The following ZYG11B variants were observed in gnomAD, a reference collection of about 807,000 sequenced individuals.
ZYG11B encodes the protein zyg-11 family member B, cell cycle regulator.
A neutral mutation model predicts 82.4 loss-of-function variants in ZYG11B; 36 were observed. That is an observed-to-expected ratio of 0.44 (90% CI 0.33 to 0.58). The LOEUF (loss-of-function observed/expected upper bound fraction) is 0.58, where lower values mean the gene tolerates loss of function less well. Among genes scored for constraint, ZYG11B ranks in the 20% least tolerant of loss-of-function variants. The pLI is 0.02. For synonymous variants in ZYG11B, 303 were observed against 312.8 expected, an observed-to-expected ratio of 0.97 and a Z score of 0.33; for missense variants, 552 against 895.6, an observed-to-expected ratio of 0.62 and a Z score of 4.90.
intron 8 of ZYG11B, among the ~76,000 whole-genome samples, chr1:52,797,104 GTATATATT>G (rs1393271971): frequency 2.2e-5 from 1 of 45,968 alleles, no homozygotes; most frequent in Non-Finnish European, 3.1e-5. Flanking sequence ...ATTACATATT[GTATATATT>G]TATATATTAT....
chr1:52,817,813 ATATTTTTTTT>A (rs1645247480), intron 13 of ZYG11B, among the ~76,000 whole-genome samples: 3 of 34,388 alleles, frequency 8.7e-5, no homozygotes, highest in Admixed American at 6.0e-4. Flanking sequence ...ATATATATAT[ATATTTTTTTT>A]TTTTTTTTTT....
rs1251141238 is a variant in ZYG11B, at chr1:52,825,620, T to A, written c.*3991T>A. The A allele has an allele frequency of 1.3e-5, 2 of 150,578 alleles. No individual in the cohort carries two copies. The highest frequency in any genetic ancestry group is 2.9e-5 in the Non-Finnish European group (2 of 67,834). The allele number at this position is 150,578 out of a possible 1,614,324, so 9.3% of individuals were successfully genotyped here. ...ACAGGTGGGACCTTTTGTGTTAATCTGTTTTCTCCCCAGTCATCTTATTTG... is the reference window on the plus strand; with the variant it reads ...ACAGGTGGGACCTTTTGTGTTAATCAGTTTTCTCCCCAGTCATCTTATTTG... On this transcript the variant is annotated 3_prime_UTR_variant, in exon 14 of 14. Coordinates refer to ENST00000294353, the MANE Select transcript of ZYG11B (RefSeq NM_024646.3).
At position 52,771,483 on chromosome 1, in the gene ZYG11B, A is replaced by G. The variant is rs139669831; in HGVS notation, c.660A>G (p.Lys220=). The change falls in exon 3 of 14, where the codon AAA becomes AAG. Residue 220 remains lysine (K), a synonymous_variant. Coordinates refer to ENST00000294353, the MANE Select transcript of ZYG11B (RefSeq NM_024646.3). The surrounding 1 kb of genome is among the most constrained non-coding windows in gnomAD (Gnocchi z 5.4). The part of the protein sequence containing the change: ...RLKSLTMHHL[K]CLKMTTTQIL... ...AGTCTCTAACCATGCACCACTTGAAATGTTTAAAAATGACAACTACCCAGA... is the reference window on the plus strand; with the variant it reads ...AGTCTCTAACCATGCACCACTTGAAGTGTTTAAAAATGACAACTACCCAGA... 11 of 1,613,380 alleles carry G rather than the reference A, an allele frequency of 6.8e-6. No individual in the cohort carries two copies. In the African/African-American group the frequency reaches 1.3e-4, roughly 20 times the overall value.
At chr1:52,800,432 A>G (rs967137550) in intron 8 of ZYG11B, among the ~76,000 whole-genome samples, 40 of 152,228 alleles carry the variant, frequency 2.6e-4, no homozygotes, top group African/African-American at 9.6e-4. Context: ...TTATTGCTAT[A>G]TATGTACCTC....
intron 2 of ZYG11B, among the ~76,000 whole-genome samples, chr1:52,765,953 T>A (rs1644679391): frequency 1.3e-5 from 2 of 152,168 alleles, no homozygotes; most frequent in Non-Finnish European, 2.9e-5. Context: ...TTGTTTTATC[T>A]TCTAGTTCAC....
intron 6 of ZYG11B, among the ~76,000 whole-genome samples, chr1:52,790,902 T>G (rs1354295110): frequency 1.3e-5 from 2 of 150,308 alleles, no homozygotes; most frequent in Admixed American, 1.3e-4. Flanking sequence ...TATAAAGGGG[T>G]CCTTTGTTTT....
At chr1:52,811,971 C>T (rs923865873) in intron 10 of ZYG11B, among the ~76,000 whole-genome samples, 2 of 151,970 alleles carry the variant, frequency 1.3e-5, no homozygotes, top group Non-Finnish European at 2.9e-5. Context: ...GCGGAGCTTG[C>T]AGTGAGCTGA....
chr1:52,777,203 G>A lies in ZYG11B; in HGVS notation c.952-2650G>A, dbSNP rs186220700. Among the ~76,000 whole-genome samples, 6 of 151,624 alleles carry A rather than the reference G, an allele frequency of 4.0e-5. 1 individual carries two copies. The highest frequency in any genetic ancestry group is 1.2e-4 in the African/African-American group (5 of 41,334). ...CCAGTCTGGGCGACAGAGCAAGACC[G>A]TATCTCAAAAAAAAGGAAAAAAAAG... On this transcript the variant is annotated intron_variant, in intron 3 of 13. Coordinates refer to ENST00000294353, the MANE Select transcript of ZYG11B (RefSeq NM_024646.3).
intron 10 of ZYG11B, among the ~76,000 whole-genome samples, chr1:52,804,034 G>A (rs1645120556): frequency 6.6e-6 from 1 of 150,792 alleles, no homozygotes; most frequent in African/African-American, 2.4e-5. Context: ...GAGCCTAGGA[G>A]TTTGAGACCA....
chr1:52,806,402 A>T (rs757162075), intron 10 of ZYG11B, among the ~76,000 whole-genome samples: 11 of 152,206 alleles, frequency 7.2e-5, no homozygotes, highest in Non-Finnish European at 1.0e-4. Flanking sequence ...TCTATCAATT[A>T]TTGACAAAGG....
intron 1 of ZYG11B, among the ~76,000 whole-genome samples, chr1:52,753,194 A>G (rs1644540829): frequency 6.6e-6 from 1 of 152,154 alleles, no homozygotes; most frequent in Non-Finnish European, 1.5e-5. Context: ...AAACATTCAC[A>G]TACAAGATTT....
In ZYG11B at chr1:52,813,657, T is replaced by C; in HGVS notation, c.1817T>C (p.Ile606Thr). The change falls in exon 11 of 14, where the codon ATT (isoleucine) becomes ACT (threonine). Residue 606 changes from isoleucine to threonine, a missense_variant. Physicochemically the swap from Ile to Thr is moderately conservative, Grantham distance 89. Transcript: ENST00000294353. ...GTCAGTTACTTTGCAGCTGGAATTATTGCCCATTTAATATCCAGAGGTGAA... is the reference window on the plus strand; with the variant it reads ...GTCAGTTACTTTGCAGCTGGAATTACTGCCCATTTAATATCCAGAGGTGAA... ...VEVSYFAAGI[I>T]AHLISRGEQA... 6.2e-7 allele frequency: 1 copy of C among 1,614,186 alleles called. No homozygotes were observed. Among genetic ancestry groups the C allele is most frequent in the Non-Finnish European group, 8.5e-7 (1 of 1,180,032 alleles).
chr1:52,772,546 C>T, intron 3 of ZYG11B: 5 of 1,610,394 alleles, frequency 3.1e-6, no homozygotes, highest in Non-Finnish European at 4.2e-6. Flanking sequence ...TAAATCTGCT[C>T]CTTCACGTCG....
chr1:52,772,540 TCTG>T (rs1387690415), intron 3 of ZYG11B: 34 of 1,610,444 alleles, frequency 2.1e-5, no homozygotes, highest in Non-Finnish European at 2.7e-5. Flanking sequence ...AGTTTGTAAA[TCTG>T]CTCCTTCACG....
At chr1:52,797,003 AT>A (rs1403567531) in intron 8 of ZYG11B, among the ~76,000 whole-genome samples, 5 of 52,688 alleles carry the variant, frequency 9.5e-5, no homozygotes, top group African/African-American at 2.2e-4. Context: ...ATATAAATAT[AT>A]TATATATTTA....
intron 10 of ZYG11B, among the ~76,000 whole-genome samples, chr1:52,806,287 T>C (rs1263507578): frequency 6.6e-6 from 1 of 152,184 alleles, no homozygotes; most frequent in African/African-American, 2.4e-5. Context: ...TCACTGATTG[T>C]TAATTAGCTT....
At chr1:52,732,217 A>G (rs1644338954) in intron 1 of ZYG11B, among the ~76,000 whole-genome samples, 1 of 152,222 alleles carries the variant, frequency 6.6e-6, no homozygotes, top group East Asian at 1.9e-4. Flanking sequence ...ATCAATAAAT[A>G]AATTGAAATC....
At chr1:52,779,266 C>T (rs569818537) in intron 3 of ZYG11B, among the ~76,000 whole-genome samples, 53 of 152,122 alleles carry the variant, frequency 3.5e-4, no homozygotes, top group African/African-American at 1.1e-3. Context: ...CCTAATCAAG[C>T]GGTAGGGCCT....
intron 2 of ZYG11B, among the ~76,000 whole-genome samples, chr1:52,767,303 T>A (rs74811575): frequency 0.13 from 640 of 4,822 alleles, 3 homozygotes; most frequent in Non-Finnish European, 0.24. Context: ...GTTATTTTAT[T>A]TTATGTTATG....
Sources: gnomAD v4.1 joint callset for allele counts (sites outside exome capture counted in the v4.1 genomes callset) on GRCh38, gnomAD v4.1.1 for gene constraint, Gnocchi (gnomAD v3.1) non-coding constraint, MANE v1.5 for transcripts, NCBI Gene and HGNC (gene_info 2026-07-23, HGNC 2026-07-21) for gene names.